HDGFL3: variants seen among roughly 807,000 people sequenced by gnomAD.
HDGFL3 encodes the protein HDGF like 3.
HDGFL3 carries 6 observed loss-of-function variants against 27.6 expected under a neutral mutation model. The ratio of observed to expected loss-of-function variants is 0.22; its 90% CI spans 0.12 to 0.43. HDGFL3 has a LOEUF of 0.43. Among genes scored for constraint, HDGFL3 ranks in the 20% least tolerant of loss-of-function variants. The pLI is 1.00. For missense variants in HDGFL3, 207 were observed against 250.1 expected, an observed-to-expected ratio of 0.83 and a Z score of 1.16; for synonymous variants, 88 against 88.9, an observed-to-expected ratio of 0.99 and a Z score of 0.05.
chr15:83,133,362 C>A lies in HDGFL3; in HGVS notation c.*5908G>T, dbSNP rs1012716427. On this transcript the variant is annotated 3_prime_UTR_variant, in exon 6 of 6. Transcript: ENST00000299633. ...CTTTCAGTTCCTCCTTGTGGAACCA[C>A]GATTAACTTTTTTAGTTATCCTTTA... The A allele has an allele frequency of 6.6e-6, 1 of 152,158 alleles. No homozygotes were observed. The highest frequency in any genetic ancestry group is 1.5e-5 in the Non-Finnish European group (1 of 68,040). The allele number at this position is 152,158 out of a possible 1,614,324, so 9.4% of individuals were successfully genotyped here.
At chr15:83,121,232 A>G (rs140917511) in intron 3 of HDGFL3, among the ~76,000 whole-genome samples, 57 of 149,664 alleles carry the variant, frequency 3.8e-4, no homozygotes, top group East Asian at 7.9e-4. Flanking sequence ...CACCATGCCC[A>G]GCTAATTTTT....
chr15:83,148,010 A>G (rs1353067820), intron 5 of HDGFL3, among the ~76,000 whole-genome samples: 1 of 152,218 alleles, frequency 6.6e-6, no homozygotes, highest in Non-Finnish European at 1.5e-5. Flanking sequence ...TGGGTGGTCA[A>G]TAAACATGAA....
intron 1 of HDGFL3, among the ~76,000 whole-genome samples, chr15:83,202,338 G>A (rs948460282): frequency 2.6e-5 from 4 of 152,150 alleles, no homozygotes; most frequent in Non-Finnish European, 4.4e-5. Flanking sequence ...GCTTTACAAA[G>A]TGAGAGGTTA....
At position 83,157,581 on chromosome 15, in the gene HDGFL3, A is replaced by C; in HGVS notation, c.301-8T>G. On this transcript the variant is annotated splice_polypyrimidine_tract_variant and splice_region_variant and intron_variant, in intron 3 of 5. Coordinates refer to ENST00000299633, the MANE Select transcript of HDGFL3 (RefSeq NM_016073.4). ...GCTCTGTTGCTGAATTGCCTAAGAA[A>C]TAATAAAATATTAGCTGATTACATT... is the stretch of plus-strand genomic sequence containing the variant. The C allele has an allele frequency of 6.2e-7, 1 of 1,605,376 alleles. No homozygotes were observed. The highest frequency in any genetic ancestry group is 8.5e-7 in the Non-Finnish European group (1 of 1,176,084).
Position 83,207,481 on chromosome 15 carries a change from G to A in HDGFL3, c.-67C>T, listed in dbSNP as rs1457739951. ...GATGCCGGGAGGCCGCCCCCCCGCG[G>A]GCCGACGAATTGCGCCGCGCTCCCC... is the stretch of plus-strand genomic sequence containing the variant. On this transcript the variant is annotated 5_prime_UTR_variant, in exon 1 of 6. Transcript: ENST00000299633. This position sits in a 1 kb window ranked among gnomAD's most constrained non-coding sequence, Gnocchi z 4.8. The A allele has an allele frequency of 3.4e-6, 4 of 1,188,418 alleles. No individual in the cohort carries two copies. In the East Asian group the frequency reaches 9.6e-5, roughly 29 times the overall value. The allele number at this position is 1,188,418 out of a possible 1,614,324, so 73.6% of individuals were successfully genotyped here. A position where few individuals can be genotyped will look rare whatever the true frequency, so the allele number is the denominator to read the frequency against.
At chr15:83,126,798 A>T, downstream of HDGFL3, 1 of 1,614,074 alleles carries the variant, frequency 6.2e-7, no homozygotes, top group Non-Finnish European at 8.5e-7. Flanking sequence ...TTATATACGC[A>T]ATTTCAAGAG....
chr15:83,187,872 A>G (rs2037464607), intron 1 of HDGFL3, among the ~76,000 whole-genome samples: 1 of 143,314 alleles, frequency 7.0e-6, no homozygotes, highest in Non-Finnish European at 1.5e-5. Flanking sequence ...GGGCAACAAG[A>G]GCGAAACTCT....
intron 3 of HDGFL3, among the ~76,000 whole-genome samples, chr15:83,116,798 T>G (rs2034705783): frequency 6.6e-6 from 1 of 152,136 alleles, no homozygotes; most frequent in Non-Finnish European, 1.5e-5. Context: ...TGAATAAGAC[T>G]TGGGGACAAA....
At chr15:83,150,841 G>A (rs137943034) in intron 5 of HDGFL3, among the ~76,000 whole-genome samples, 231 of 152,332 alleles carry the variant, frequency 1.5e-3, no homozygotes, top group African/African-American at 5.2e-3. Flanking sequence ...GAAAGAAGCA[G>A]CAGTATGTAA....
intron 5 of HDGFL3, among the ~76,000 whole-genome samples, chr15:83,150,691 A>T (rs1331651953): frequency 2.6e-5 from 4 of 152,244 alleles, no homozygotes; most frequent in Non-Finnish European, 5.9e-5. Flanking sequence ...CTGTGCTTTG[A>T]AGTTAACAAA....
chr15:83,206,545 C>G (rs565883562), intron 1 of HDGFL3, among the ~76,000 whole-genome samples: 7 of 152,304 alleles, frequency 4.6e-5, no homozygotes, highest in Admixed American at 6.5e-5. Flanking sequence ...AAGAGCCCAA[C>G]GACAACCTTG....
rs145313311 is a variant in HDGFL3, at chr15:83,146,558, C to T, written c.606+4657G>A. On this transcript the variant is annotated intron_variant, in intron 5 of 5. Coordinates refer to ENST00000299633, the MANE Select transcript of HDGFL3 (RefSeq NM_016073.4). ...CTTTCCTCTTAAGATATGTTGGATT[C>T]CATGGTCCATTGTTATAATCCTTGT... Among the ~76,000 whole-genome samples, 932 of 152,338 alleles carry T rather than the reference C, an allele frequency of 6.1e-3. 10 individuals carry two copies. Among genetic ancestry groups the T allele is most frequent in the Non-Finnish European group, 6.1e-3 (415 of 68,028 alleles).
At chr15:83,119,586 G>GTATC (rs1427373722) in intron 3 of HDGFL3, 1 of 1,613,950 alleles carries the variant, frequency 6.2e-7, no homozygotes, top group Admixed American at 1.7e-5. Flanking sequence ...AGGGTGAACC[G>GTATC]TATCTGAACA....
intron 1 of HDGFL3, among the ~76,000 whole-genome samples, chr15:83,167,066 G>A (rs2037179101): frequency 6.6e-6 from 1 of 152,140 alleles, no homozygotes; most frequent in Admixed American, 6.5e-5. Flanking sequence ...CCACTTAAAA[G>A]GCACAGAGTG....
chr15:83,142,856 TTC>T (rs2036805573), intron 5 of HDGFL3, among the ~76,000 whole-genome samples: 2 of 152,196 alleles, frequency 1.3e-5, no homozygotes, highest in South Asian at 4.1e-4. Flanking sequence ...AAAAATGTCT[TTC>T]TGCAAACTTT....
At chr15:83,176,743 C>T (rs757013598) in intron 1 of HDGFL3, among the ~76,000 whole-genome samples, 10 of 152,088 alleles carry the variant, frequency 6.6e-5, no homozygotes, top group Non-Finnish European at 1.3e-4. Context: ...GTGGTTCCTG[C>T]GGATGGGTTG....
At chr15:83,168,933 A>G (rs2037207180) in intron 1 of HDGFL3, among the ~76,000 whole-genome samples, 1 of 152,200 alleles carries the variant, frequency 6.6e-6, no homozygotes, top group Non-Finnish European at 1.5e-5. Flanking sequence ...ACCATGATCA[A>G]GCAGGTTTCA....
At chr15:83,152,992 T>C (rs1407879804) in intron 4 of HDGFL3, among the ~76,000 whole-genome samples, 5 of 119,850 alleles carry the variant, frequency 4.2e-5, no homozygotes, top group African/African-American at 2.5e-4. Context: ...ACGCAGTTCT[T>C]TTTTTTTTTT....
Position 83,136,865 on chromosome 15 carries a change from A to T in HDGFL3, c.*2405T>A. On this transcript the variant is annotated 3_prime_UTR_variant, in exon 6 of 6. Transcript: ENST00000299633. Reference sequence around the variant, plus strand: ...AGGAAAATGGAAATTCTTGAGAAACAGTTTGTTTAAAGAAATATATTCAAA... The same window carrying T: ...AGGAAAATGGAAATTCTTGAGAAACTGTTTGTTTAAAGAAATATATTCAAA... 2.5e-6 allele frequency: 1 copy of T among 405,072 alleles called. No individual in the cohort carries two copies. Among genetic ancestry groups the T allele is most frequent in the African/African-American group, 2.0e-5 (1 of 48,874 alleles). 25.1% of individuals were successfully genotyped at this position (405,072 alleles called of 1,614,324 possible).
Sources: allele counts gnomAD v4.1 joint callset (sites outside exome capture counted in the v4.1 genomes callset), GRCh38; gene constraint gnomAD v4.1.1; non-coding constraint Gnocchi (gnomAD v3.1); transcripts MANE v1.5; gene names NCBI Gene and HGNC (gene_info 2026-07-23, HGNC 2026-07-21).